Variants in RAB3C observed in about 807,000 individuals in gnomAD.
RAB3C encodes the protein RAB3C, member RAS oncogene family.
RAB3C carries 17 observed loss-of-function variants against 26.4 expected under a neutral mutation model. That is an observed-to-expected ratio of 0.64 (90% CI 0.44 to 0.97). RAB3C has a LOEUF of 0.97. Ranked by LOEUF, RAB3C falls within the 50% of genes least tolerant of loss-of-function variation. The pLI is 0.00. For synonymous variants in RAB3C, 91 were observed against 95.9 expected, an observed-to-expected ratio of 0.95 and a Z score of 0.30; for missense variants, 242 against 281.9, an observed-to-expected ratio of 0.86 and a Z score of 1.01.
At chr5:58,753,031 A>G (rs901856057) in intron 3 of RAB3C, among the ~76,000 whole-genome samples, 1 of 152,140 alleles carries the variant, frequency 6.6e-6, no homozygotes, top group African/African-American at 2.4e-5. Flanking sequence ...AAAAAAATCT[A>G]CATTGCTATC....
At chr5:58,620,069 C>G (rs1746903376) in intron 2 of RAB3C, among the ~76,000 whole-genome samples, 1 of 151,934 alleles carries the variant, frequency 6.6e-6, no homozygotes, top group East Asian at 1.9e-4. Flanking sequence ...CTACAATCTA[C>G]TAGTTTCTTA....
At chr5:58,803,611 A>G (rs933552479) in intron 3 of RAB3C, among the ~76,000 whole-genome samples, 6 of 152,188 alleles carry the variant, frequency 3.9e-5, no homozygotes, top group African/African-American at 1.4e-4. Flanking sequence ...TGTTAGTGTC[A>G]TATCTGCTGC....
chr5:58,701,997 G>T (rs2111880687), intron 2 of RAB3C, among the ~76,000 whole-genome samples: 1 of 152,296 alleles, frequency 6.6e-6, no homozygotes, highest in South Asian at 2.1e-4. Flanking sequence ...GAACTCAAGT[G>T]ATGTCTTTTA....
At chr5:58,830,837 A>C (rs1483211433) in intron 4 of RAB3C, among the ~76,000 whole-genome samples, 2 of 151,990 alleles carry the variant, frequency 1.3e-5, no homozygotes, top group African/African-American at 2.4e-5. Context: ...GCTCCACTTC[A>C]GTCATCATAC....
rs192483180 is a variant in RAB3C at position 58,593,768 on chromosome 5, T to C, written c.24+10536T>C. Among the ~76,000 whole-genome samples, 6 of 152,298 alleles carry C rather than the reference T, an allele frequency of 3.9e-5. No homozygotes were observed. The East Asian group carries it at 1.2e-3, about 29-fold the overall frequency. ...CAGTTCTGTTGAGATAATGAAGTAT[T>C]TTTGCATTCACTAAACAATGAAGCC... On this transcript the variant is annotated intron_variant, in intron 1 of 4. Transcript: ENST00000282878.
intron 3 of RAB3C, among the ~76,000 whole-genome samples, chr5:58,745,920 A>G (rs1741393568): frequency 6.6e-6 from 1 of 152,044 alleles, no homozygotes; most frequent in South Asian, 2.1e-4. Flanking sequence ...TTCAGTTGAC[A>G]AATGAATGAA....
intron 2 of RAB3C, among the ~76,000 whole-genome samples, chr5:58,694,523 T>A (rs1748650367): frequency 6.6e-6 from 1 of 152,214 alleles, no homozygotes; most frequent in African/African-American, 2.4e-5. Flanking sequence ...TCTTCCACGA[T>A]GGTTGAACTA....
intron 2 of RAB3C, among the ~76,000 whole-genome samples, chr5:58,658,606 A>T (rs1747832792): frequency 6.6e-6 from 1 of 152,172 alleles, no homozygotes; most frequent in South Asian, 2.1e-4. Flanking sequence ...TAGTGGCGTA[A>T]AATGACAATT....
At chr5:58,675,109 TC>T (rs201347627) in intron 2 of RAB3C, among the ~76,000 whole-genome samples, 1 of 151,970 alleles carries the variant, frequency 6.6e-6, no homozygotes, top group Non-Finnish European at 1.5e-5. Flanking sequence ...TTTCTCATGC[TC>T]CCCGCAGGCA....
chr5:58,763,390 C>T (rs1741836125), intron 3 of RAB3C, among the ~76,000 whole-genome samples: 2 of 152,120 alleles, frequency 1.3e-5, no homozygotes, highest in Non-Finnish European at 2.9e-5. Flanking sequence ...AAGCTTCTTT[C>T]CAGTAATATG....
At chr5:58,750,802 C>A (rs1239122726) in intron 3 of RAB3C, among the ~76,000 whole-genome samples, 1 of 151,870 alleles carries the variant, frequency 6.6e-6, no homozygotes, top group South Asian at 2.1e-4. Context: ...TATTTTCTTT[C>A]CTTCCTTCCT....
At chr5:58,668,171 C>A (rs1748039060) in intron 2 of RAB3C, among the ~76,000 whole-genome samples, 1 of 152,094 alleles carries the variant, frequency 6.6e-6, no homozygotes, top group African/African-American at 2.4e-5. Context: ...TTTTGTATTG[C>A]AATTGCCCAT....
At chr5:58,619,672 G>A (rs565530655) in intron 2 of RAB3C, among the ~76,000 whole-genome samples, 19 of 152,228 alleles carry the variant, frequency 1.2e-4, no homozygotes, top group African/African-American at 4.3e-4. Context: ...TCAGCATGGT[G>A]TGTTAAGCCA....
intron 2 of RAB3C, among the ~76,000 whole-genome samples, chr5:58,625,232 T>G (rs1007302): frequency 2.0e-5 from 3 of 148,784 alleles, no homozygotes; most frequent in Non-Finnish European, 4.5e-5. Flanking sequence ...CTGGAAATTT[T>G]ATTTTTAACC....
chr5:58,771,167 A>G (rs561951516), intron 3 of RAB3C, among the ~76,000 whole-genome samples: 5 of 152,156 alleles, frequency 3.3e-5, no homozygotes, highest in Non-Finnish European at 7.4e-5. Context: ...TAGGAAAACC[A>G]TGAGTAAGCT....
rs1746351059 is a variant in RAB3C at position 58,597,707 on chromosome 5, A to ATG, written c.24+14476_24+14477insGT. ...AGTACATTATATATAAGTATATAAT[A>ATG]TAATATAGTACATTATATATAAGTA... On this transcript the variant is annotated intron_variant, in intron 1 of 4. Transcript: ENST00000282878. Among the ~76,000 whole-genome samples the ATG allele has an allele frequency of 4.3e-4, 22 of 51,726 alleles. 4 individuals carry two copies. The South Asian group carries it at 0.013, about 30-fold the overall frequency. 33.9% of individuals were successfully genotyped at this position (51,726 alleles called of 152,430 possible).
chr5:58,636,234 A>G (rs1004362346), intron 2 of RAB3C, among the ~76,000 whole-genome samples: 6 of 152,150 alleles, frequency 3.9e-5, no homozygotes, highest in African/African-American at 1.4e-4. Flanking sequence ...TGGTATCCCA[A>G]TTTCCTAGAA....
At chr5:58,607,764 T>C (rs1746604835) in intron 1 of RAB3C, among the ~76,000 whole-genome samples, 1 of 152,210 alleles carries the variant, frequency 6.6e-6, no homozygotes, top group South Asian at 2.1e-4. Flanking sequence ...ATATTCAACA[T>C]TCTTAAAGAA....
intron 3 of RAB3C, among the ~76,000 whole-genome samples, chr5:58,794,987 G>A (rs1313172726): frequency 1.3e-5 from 2 of 152,190 alleles, no homozygotes; most frequent in South Asian, 2.1e-4. Flanking sequence ...CTGTGTCCCC[G>A]CCCTAATCTC....
Sources: allele counts gnomAD v4.1 joint callset (sites outside exome capture counted in the v4.1 genomes callset), GRCh38; gene constraint gnomAD v4.1.1; transcripts MANE v1.5; gene names NCBI Gene and HGNC (gene_info 2026-07-23, HGNC 2026-07-21).